The following FIG4 variants were observed in gnomAD, a reference collection of about 807,000 sequenced individuals.
FIG4 encodes polyphosphoinositide phosphatase.
Under a neutral mutation model 118.6 loss-of-function variants are expected in FIG4, and 112 were observed. The observed-to-expected ratio is 0.94, with a 90% CI of 0.81 to 1.11. The LOEUF (loss-of-function observed/expected upper bound fraction) is 1.11. Among genes scored for constraint, FIG4 ranks in the 50% least tolerant of loss-of-function variants. The pLI, the probability that FIG4 is intolerant of heterozygous loss-of-function variation, is 0.00. For synonymous variants in FIG4, 369 were observed against 381.2 expected, an observed-to-expected ratio of 0.97 and a Z score of 0.37; for missense variants, 969 against 1,111.7, an observed-to-expected ratio of 0.87 and a Z score of 1.83.
chr6:109,766,404 T>G (rs1348421545), intron 14 of FIG4, among the ~76,000 whole-genome samples: 1 of 152,214 alleles, frequency 6.6e-6, no homozygotes, highest in Non-Finnish European at 1.5e-5. Flanking sequence ...GCACAGTACA[T>G]TCCGTTATGG....
intron 10 of FIG4, among the ~76,000 whole-genome samples, chr6:109,759,762 G>A (rs1382621228): frequency 6.6e-6 from 1 of 152,230 alleles, no homozygotes; most frequent in African/African-American, 2.4e-5. Flanking sequence ...GCCTGTTTTG[G>A]TTATCTCACA....
chr6:109,764,533 A>G (rs565344658), intron 13 of FIG4, among the ~76,000 whole-genome samples: 1 of 152,298 alleles, frequency 6.6e-6, no homozygotes, highest in African/African-American at 2.4e-5. Context: ...AAATAGAAAC[A>G]CAAACAAGAA....
In FIG4 at chr6:109,766,710, C is replaced by A. The variant is rs1052424090; in HGVS notation, c.1584-19C>A. 6.2e-7 allele frequency: 1 copy of A among 1,609,158 alleles called. No individual in the cohort carries two copies. On this transcript the variant is annotated intron_variant, in intron 14 of 22. Transcript: ENST00000230124. ...TTTGATTTTGGTGAAATTCTTTAATCGGGTTTTTCTTTTTTTAGGTTATTT... is the reference window on the plus strand; with the variant it reads ...TTTGATTTTGGTGAAATTCTTTAATAGGGTTTTTCTTTTTTTAGGTTATTT...
chr6:109,753,510 T>G (rs1048045912), intron 10 of FIG4, among the ~76,000 whole-genome samples: 1 of 152,106 alleles, frequency 6.6e-6, no homozygotes, highest in African/African-American at 2.4e-5. Context: ...GGGGATGGCA[T>G]TGAATCTATA....
chr6:109,691,424 T>C lies in FIG4; in HGVS notation c.-12T>C. 1 of 1,571,542 alleles carries C rather than the reference T, an allele frequency of 6.4e-7. No individual in the cohort carries two copies. Among genetic ancestry groups the C allele is most frequent in the Non-Finnish European group, 8.6e-7 (1 of 1,158,094 alleles). Reference sequence around the variant, plus strand: ...CTCGTGCCCTGTTGTGGGGCCCCCATTTGCCGCCGCCATGCCCACGGCCGC... The same window carrying C: ...CTCGTGCCCTGTTGTGGGGCCCCCACTTGCCGCCGCCATGCCCACGGCCGC... On this transcript the variant is annotated 5_prime_UTR_variant, in exon 1 of 23. Coordinates refer to ENST00000230124, the MANE Select transcript of FIG4 (RefSeq NM_014845.6).
At chr6:109,823,012 A>G (rs1779056358) in intron 22 of FIG4, among the ~76,000 whole-genome samples, 1 of 151,924 alleles carries the variant, frequency 6.6e-6, no homozygotes, top group Non-Finnish European at 1.5e-5. Context: ...GATAGAGTTT[A>G]GCAGCCTTAG....
chr6:109,757,906 A>T (rs1005183166), intron 10 of FIG4, among the ~76,000 whole-genome samples: 1 of 152,186 alleles, frequency 6.6e-6, no homozygotes, highest in African/African-American at 2.4e-5. Context: ...CTTAAAAGGG[A>T]TATGAAGGAC....
intron 10 of FIG4, among the ~76,000 whole-genome samples, chr6:109,759,406 T>TA (rs1274779215): frequency 2.6e-5 from 4 of 151,908 alleles, no homozygotes; most frequent in African/African-American, 9.7e-5. Context: ...TCCCATAACT[T>TA]AAAGTATTAA....
chr6:109,724,684 A>G (rs1033015518), intron 3 of FIG4, among the ~76,000 whole-genome samples: 1 of 152,138 alleles, frequency 6.6e-6, no homozygotes, highest in African/African-American at 2.4e-5. Flanking sequence ...AAATGTGGGG[A>G]ATAGTACATA....
chr6:109,818,683 A>G (rs1331677124), intron 22 of FIG4, among the ~76,000 whole-genome samples: 1 of 152,152 alleles, frequency 6.6e-6, no homozygotes, highest in Non-Finnish European at 1.5e-5. Context: ...GTCTTGGAAC[A>G]TATCCCTGAA....
intron 10 of FIG4, among the ~76,000 whole-genome samples, chr6:109,756,729 G>A (rs908940517): frequency 2.8e-4 from 42 of 151,844 alleles, no homozygotes; most frequent in Middle Eastern, 3.4e-3. Flanking sequence ...TGATCACATC[G>A]TCTCCTGAGG....
intron 22 of FIG4, among the ~76,000 whole-genome samples, chr6:109,804,772 C>A (rs1778517098): frequency 6.6e-6 from 1 of 152,126 alleles, no homozygotes; most frequent in South Asian, 2.1e-4. Flanking sequence ...TTTCTGCTAT[C>A]CCTCCCAATT....
chr6:109,738,220 G>C (rs967057665), intron 6 of FIG4, 105 bp from the exon 7 acceptor site: 14 of 955,570 alleles, frequency 1.5e-5, no homozygotes, highest in Non-Finnish European at 2.2e-5. Context: ...TTAAAAATGA[G>C]TTGAATGTCA....
chr6:109,790,271 C>T (rs1778101639), intron 19 of FIG4, among the ~76,000 whole-genome samples: 3 of 152,174 alleles, frequency 2.0e-5, no homozygotes, highest in Admixed American at 1.3e-4. Flanking sequence ...ACTGCAGATA[C>T]AGAGTCCTAA....
rs377569616 is a variant in FIG4 at position 109,725,783 on chromosome 6, T to C, written c.290-1326T>C. Among the ~76,000 whole-genome samples the C allele has an allele frequency of 6.6e-5, 10 of 152,342 alleles. No homozygotes were observed. In the East Asian group the frequency reaches 1.2e-3, roughly 18 times the overall value. On this transcript the variant is annotated intron_variant, in intron 3 of 22. Transcript: ENST00000230124. ...CTGTTGTTTCCTGACTTTTAAATGA[T>C]TTCCATTCTAACTGGTGTGAGATGG...
intron 3 of FIG4, 46 bp from the exon 4 acceptor site, chr6:109,727,063 T>C (rs749560298): frequency 6.8e-7 from 1 of 1,460,338 alleles, no homozygotes; most frequent in Non-Finnish European, 9.6e-7. Flanking sequence ...CTAAAAGCCA[T>C]TACTAAGTTT....
intron 1 of FIG4, among the ~76,000 whole-genome samples, chr6:109,710,566 C>T (rs921093372): frequency 1.3e-5 from 2 of 152,148 alleles, no homozygotes; most frequent in Admixed American, 6.5e-5. Context: ...TAGAATTCAG[C>T]TTGGAATCTG....
intron 1 of FIG4, among the ~76,000 whole-genome samples, chr6:109,693,385 C>T (rs1198462224): frequency 6.6e-6 from 1 of 152,154 alleles, no homozygotes; most frequent in Non-Finnish European, 1.5e-5. Flanking sequence ...CCTCACAGCA[C>T]ATATCTGGTC....
intron 1 of FIG4, among the ~76,000 whole-genome samples, chr6:109,713,210 A>G (rs1466206786): frequency 6.6e-6 from 1 of 152,172 alleles, no homozygotes; most frequent in Non-Finnish European, 1.5e-5. Flanking sequence ...CCTCATTCGC[A>G]TGTGCCAGTG....
Sources: gnomAD v4.1 joint callset for allele counts (sites outside exome capture counted in the v4.1 genomes callset) on GRCh38, gnomAD v4.1.1 for gene constraint, MANE v1.5 for transcripts, NCBI Gene and HGNC (gene_info 2026-07-23, HGNC 2026-07-21) for gene names.